Variants in CELF5 observed in about 807,000 individuals in gnomAD.
CELF5 encodes CUG-BP and ETR-3 like factor 5.
In CELF5, 6 loss-of-function variants were observed where a neutral mutation model predicts 54.9. The observed-to-expected ratio is 0.11, with a 90% CI of 0.06 to 0.22. The LOEUF (loss-of-function observed/expected upper bound fraction) is 0.22. Among genes scored for constraint, CELF5 ranks in the 10% least tolerant of loss-of-function variants. The pLI, the probability that CELF5 is intolerant of heterozygous loss-of-function variation, is 1.00. For synonymous variants in CELF5, 271 were observed against 290.9 expected (o/e 0.93, Z 0.70); for missense variants, 401 against 678.6 (o/e 0.59, Z 4.54).
intron 11 of CELF5, among the ~76,000 whole-genome samples, chr19:3,290,795 T>C (rs1480854683): frequency 6.6e-6 from 1 of 150,822 alleles, no homozygotes; most frequent in South Asian, 2.1e-4. Flanking sequence ...CTCCATCTCC[T>C]GACCTCGTGA....
At chr19:3,289,681 C>CAAAAAAAAAAAAAAAAAAAA (rs35144942) in intron 10 of CELF5, among the ~76,000 whole-genome samples, 5 of 47,136 alleles carry the variant, frequency 1.1e-4, no homozygotes, top group African/African-American at 3.0e-4. Flanking sequence ...GACTCCATCT[C>CAAAAAAAAAAAAAAAAAAAA]AAAAAAAAAA....
In CELF5 at chr19:3,281,114, G is replaced by C; in HGVS notation, c.604-85G>C. The C allele has an allele frequency of 6.7e-7, 1 of 1,489,978 alleles. No homozygotes were observed. Among genetic ancestry groups the C allele is most frequent in the Non-Finnish European group, 9.1e-7 (1 of 1,093,640 alleles). 92.3% of individuals were successfully genotyped at this position (1,489,978 alleles called of 1,614,324 possible). A position where few individuals can be genotyped will look rare whatever the true frequency, so the allele number is the denominator to read the frequency against. Reference sequence around the variant, plus strand: ...TGGCATTACACCCCTCACCCAGGAGGCCTGAGCTAACATGAATCCAGGGAC... The same window carrying C: ...TGGCATTACACCCCTCACCCAGGAGCCCTGAGCTAACATGAATCCAGGGAC... On this transcript the variant is annotated intron_variant, in intron 5 of 12. Coordinates refer to ENST00000292672, the MANE Select transcript of CELF5 (RefSeq NM_021938.4). The surrounding 1 kb of genome is among the most constrained non-coding windows in gnomAD (Gnocchi z 6.5).
intron 10 of CELF5, among the ~76,000 whole-genome samples, chr19:3,288,816 C>G (rs565510099): frequency 6.6e-6 from 1 of 152,170 alleles, no homozygotes; most frequent in Non-Finnish European, 1.5e-5. Flanking sequence ...CCACTGCAAT[C>G]CAGCCTGGGT....
At chr19:3,257,475 A>T (rs10403974) in intron 2 of CELF5, among the ~76,000 whole-genome samples, 1 of 151,444 alleles carries the variant, frequency 6.6e-6, no homozygotes, top group Non-Finnish European at 1.5e-5. Context: ...ATTATTATTT[A>T]TTATTATTAT....
At chr19:3,233,135 A>G (rs892928889) in intron 1 of CELF5, among the ~76,000 whole-genome samples, 1 of 150,532 alleles carries the variant, frequency 6.6e-6, no homozygotes, top group Non-Finnish European at 1.5e-5. Flanking sequence ...ATAAGTTTTT[A>G]AAAAAGCTGC....
At chr19:3,262,922 G>C (rs138378748) in intron 2 of CELF5, among the ~76,000 whole-genome samples, 358 of 151,896 alleles carry the variant, frequency 2.4e-3, no homozygotes, top group African/African-American at 8.1e-3. Context: ...CTGGGCGATA[G>C]AGTGAGACTC....
intron 1 of CELF5, among the ~76,000 whole-genome samples, chr19:3,247,057 C>T (rs1457646843): frequency 1.3e-5 from 2 of 152,142 alleles, no homozygotes; most frequent in Admixed American, 1.3e-4. Context: ...GGGTGGTTAC[C>T]CCTGCAGGAT....
At chr19:3,293,725 A>G (rs1159765807) in intron 12 of CELF5, 11 of 372,096 alleles carry the variant, frequency 3.0e-5, no homozygotes, top group Admixed American at 1.9e-4. Flanking sequence ...GCCAGGGCCC[A>G]GTGAGGTCGG....
chr19:3,253,316 A>G (rs1003470440), intron 2 of CELF5, among the ~76,000 whole-genome samples: 1 of 152,156 alleles, frequency 6.6e-6, no homozygotes, highest in African/African-American at 2.4e-5. Context: ...GGGGTCAGGA[A>G]TTTGGGACTG....
chr19:3,227,799 C>G (rs1367581818), intron 1 of CELF5, among the ~76,000 whole-genome samples: 1 of 152,128 alleles, frequency 6.6e-6, no homozygotes, highest in Non-Finnish European at 1.5e-5. Flanking sequence ...ATTACCCCCC[C>G]TGCCTTCCTC....
chr19:3,259,828 C>T (rs932392954), intron 2 of CELF5, among the ~76,000 whole-genome samples: 1 of 152,012 alleles, frequency 6.6e-6, no homozygotes, highest in Non-Finnish European at 1.5e-5. Flanking sequence ...CTACTCAGCA[C>T]CCTGCAGTGC....
intron 2 of CELF5, among the ~76,000 whole-genome samples, chr19:3,263,777 C>T (rs934016242): frequency 4.0e-5 from 6 of 149,686 alleles, no homozygotes; most frequent in Non-Finnish European, 5.9e-5. Flanking sequence ...TGGTGGTGGG[C>T]ACCTGTGATT....
chr19:3,290,652 G>A (rs1451181504), intron 11 of CELF5, among the ~76,000 whole-genome samples: 1 of 149,140 alleles, frequency 6.7e-6, no homozygotes, highest in African/African-American at 2.5e-5. Context: ...CAAGCTCTGC[G>A]TCCCGGGTTC....
chr19:3,236,580 A>G (rs1263129733), intron 1 of CELF5, among the ~76,000 whole-genome samples: 1 of 152,086 alleles, frequency 6.6e-6, no homozygotes, highest in Non-Finnish European at 1.5e-5. Context: ...GAAGAAGAGG[A>G]TGAACAGCAA....
In CELF5 at chr19:3,293,430, C is replaced by T. The variant is rs776342144; in HGVS notation, c.1442C>T (p.Pro481Leu). Reference sequence around the variant, plus strand: ...GTCCAGCTGAAGCGGCCCAAAGACCCGGGACACCCCTACTGACCGCGCCCA... The same window carrying T: ...GTCCAGCTGAAGCGGCCCAAAGACCTGGGACACCCCTACTGACCGCGCCCA... Reference protein sequence around the residue: ...LKVQLKRPKDPGHPY With the variant: ...LKVQLKRPKDLGHPY The change falls in exon 12 of 13, where the codon CCG becomes CTG. Residue 481 changes from proline to leucine, a missense_variant. Physicochemically the swap from Pro to Leu is moderately conservative, Grantham distance 98. Transcript: ENST00000292672. 8.7e-6 allele frequency: 14 copies of T among 1,614,080 alleles called. No homozygotes were observed. The highest frequency in any genetic ancestry group is 1.7e-5 in the Admixed American group (1 of 60,016).
In CELF5 at chr19:3,268,030, G is replaced by A. The variant is rs753393547; in HGVS notation, c.343-5842G>A. ...TTTTGCTTTTTTGAGATGGAGTCTC[G>A]CTCTGTCGCCCAGGCTGGAGTGCAG... On this transcript the variant is annotated intron_variant, in intron 2 of 12. Coordinates refer to ENST00000292672, the MANE Select transcript of CELF5 (RefSeq NM_021938.4). The surrounding 1 kb of genome is among the most constrained non-coding windows in gnomAD (Gnocchi z 4.4). Among the ~76,000 whole-genome samples, 17 of 151,984 alleles carry A rather than the reference G, an allele frequency of 1.1e-4. No homozygotes were observed. Among genetic ancestry groups the A allele is most frequent in the Non-Finnish European group, 1.9e-4 (13 of 68,014 alleles).
intron 9 of CELF5, among the ~76,000 whole-genome samples, chr19:3,285,669 A>ACC (rs79366304): frequency 0.44 from 18,226 of 41,856 alleles, 3,572 homozygotes; most frequent in Middle Eastern, 0.52. Flanking sequence ...GTCCGCCCCC[A>ACC]CCCCCCCTTC....
intron 2 of CELF5, among the ~76,000 whole-genome samples, chr19:3,269,801 G>A (rs34796982): frequency 0.033 from 4,991 of 150,548 alleles, 116 homozygotes; most frequent in Middle Eastern, 0.062. Context: ...TGGCTCTGTC[G>A]TCCACGCCGG....
chr19:3,271,271 C>G (rs1040753581), intron 2 of CELF5, among the ~76,000 whole-genome samples: 40 of 152,150 alleles, frequency 2.6e-4, no homozygotes, highest in Non-Finnish European at 4.7e-4. Flanking sequence ...GGCACCCCCC[C>G]GCTTCCAGCC....
Sources: gnomAD v4.1 joint callset for allele counts (sites outside exome capture counted in the v4.1 genomes callset) on GRCh38, gnomAD v4.1.1 for gene constraint, Gnocchi (gnomAD v3.1) non-coding constraint, MANE v1.5 for transcripts, NCBI Gene and HGNC (gene_info 2026-07-23, HGNC 2026-07-21) for gene names.